SGCG: variants seen among roughly 807,000 people sequenced by gnomAD.
SGCG encodes the protein sarcoglycan gamma, also known as gamma-sarcoglycan.
SGCG carries 26 observed loss-of-function variants against 29.3 expected under a neutral mutation model. The observed-to-expected ratio is 0.89, with a 90% CI of 0.65 to 1.23. The LOEUF (loss-of-function observed/expected upper bound fraction) is 1.23, where lower values mean the gene tolerates loss of function less well. Ranked by LOEUF, SGCG falls within the 50% of genes most tolerant of loss-of-function variation. The pLI is 0.00. For synonymous variants in SGCG, 145 were observed against 129.7 expected (o/e 1.12, Z -0.80); for missense variants, 353 against 356.0 (o/e 0.99, Z 0.07).
At chr13:23,175,611 C>A in the SGCG span, among the ~76,000 whole-genome samples, 1 of 152,028 alleles carries the variant, frequency 6.6e-6, no homozygotes, top group Non-Finnish European at 1.5e-5. Context: ...TCTGAGTTTT[C>A]TTTTTCTTTT....
chr13:23,298,368 A>G (rs930917797), intron 6 of SGCG, among the ~76,000 whole-genome samples: 3 of 149,154 alleles, frequency 2.0e-5, no homozygotes, highest in East Asian at 2.0e-4. Flanking sequence ...TATCAAGGGA[A>G]AAAAAAATTG....
chr13:23,303,440 G>A (rs541987056), intron 6 of SGCG, among the ~76,000 whole-genome samples: 14 of 152,362 alleles, frequency 9.2e-5, no homozygotes, highest in South Asian at 2.1e-4. Flanking sequence ...ACACTTGCCC[G>A]AGCTCTCTGC....
chr13:23,313,565 T>C (rs1204804796), intron 6 of SGCG, among the ~76,000 whole-genome samples: 1 of 152,196 alleles, frequency 6.6e-6, no homozygotes, highest in Non-Finnish European at 1.5e-5. Flanking sequence ...TAAAAATGAA[T>C]ATGGGGTAAA....
At chr13:23,200,116 C>G (rs1026601775) in intron 1 of SGCG, among the ~76,000 whole-genome samples, 1 of 100,296 alleles carries the variant, frequency 1.0e-5, no homozygotes, top group Non-Finnish European at 2.4e-5. Context: ...GCTTGTTGTA[C>G]GCTTAAATAA....
intron 4 of SGCG, among the ~76,000 whole-genome samples, chr13:23,271,777 A>G (rs1237868100): frequency 1.3e-5 from 2 of 152,226 alleles, no homozygotes; most frequent in African/African-American, 2.4e-5. Flanking sequence ...ATGACATCCT[A>G]TAATGTTGGG....
chr13:23,288,528 C>T (rs1881587064), intron 5 of SGCG, among the ~76,000 whole-genome samples: 1 of 152,140 alleles, frequency 6.6e-6, no homozygotes, highest in Non-Finnish European at 1.5e-5. Flanking sequence ...TTTTAGTCAA[C>T]TAGGATACTG....
the SGCG span, among the ~76,000 whole-genome samples, chr13:23,173,756 A>G: frequency 2.6e-5 from 4 of 152,324 alleles, no homozygotes; most frequent in African/African-American, 7.2e-5. Flanking sequence ...AAATTTTATA[A>G]CTGCATGCTG....
At chr13:23,253,067 GT>G (rs1424101353) in intron 4 of SGCG, among the ~76,000 whole-genome samples, 2 of 151,728 alleles carry the variant, frequency 1.3e-5, no homozygotes, top group Non-Finnish European at 2.9e-5. Context: ...GGTTTTAAAG[GT>G]TTTGTTTTGT....
At chr13:23,172,522 T>C in the SGCG span, among the ~76,000 whole-genome samples, 1 of 152,208 alleles carries the variant, frequency 6.6e-6, no homozygotes, top group Admixed American at 6.5e-5. Flanking sequence ...AGTTTTCCTT[T>C]ATTTGCTTCC....
chr13:23,322,166 G>C (rs1294506125), intron 7 of SGCG, among the ~76,000 whole-genome samples: 1 of 152,188 alleles, frequency 6.6e-6, no homozygotes, highest in Admixed American at 6.5e-5. Flanking sequence ...CTTACCAAGA[G>C]TGAGTGCAGT....
At chr13:23,236,493 C>T (rs1002589931) in intron 3 of SGCG, among the ~76,000 whole-genome samples, 7 of 151,986 alleles carry the variant, frequency 4.6e-5, no homozygotes, top group Admixed American at 6.6e-5. Flanking sequence ...CTGGCTAACA[C>T]AGTGAAACCC....
the SGCG span, among the ~76,000 whole-genome samples, chr13:23,166,566 T>C: frequency 6.6e-6 from 1 of 152,232 alleles, no homozygotes; most frequent in East Asian, 1.9e-4. Flanking sequence ...GTCTACACTA[T>C]GACCTTATTC....
chr13:23,296,927 A>G (rs983905953), intron 6 of SGCG, among the ~76,000 whole-genome samples: 2 of 152,208 alleles, frequency 1.3e-5, no homozygotes, highest in African/African-American at 2.4e-5. Flanking sequence ...AATATTTTAA[A>G]TGGTCTTAAA....
At chr13:23,180,129 A>C (rs1876681162), upstream of SGCG, among the ~76,000 whole-genome samples, 1 of 152,184 alleles carries the variant, frequency 6.6e-6, no homozygotes, top group South Asian at 2.1e-4. Flanking sequence ...TAGTACTAAA[A>C]TGCAAATATG....
chr13:23,203,505 TG>T (rs1396851125), intron 1 of SGCG, among the ~76,000 whole-genome samples, 189 bp from the exon 2 acceptor site: 1 of 152,238 alleles, frequency 6.6e-6, no homozygotes, highest in Non-Finnish European at 1.5e-5. Flanking sequence ...TATCTCCCTG[TG>T]ATTGAAACAC....
intron 5 of SGCG, among the ~76,000 whole-genome samples, chr13:23,283,374 C>T (rs1052618399): frequency 6.6e-6 from 1 of 152,008 alleles, no homozygotes; most frequent in South Asian, 2.1e-4. Flanking sequence ...TTATGTAATG[C>T]CCTTCTTTGT....
chr13:23,323,039 C>T (rs1370253106), intron 7 of SGCG, among the ~76,000 whole-genome samples: 3 of 151,966 alleles, frequency 2.0e-5, no homozygotes, highest in African/African-American at 7.3e-5. Context: ...TTAATAGGAA[C>T]GTGTAGTAAA....
chr13:23,206,195 C>T (rs2137505062), intron 2 of SGCG, among the ~76,000 whole-genome samples: 1 of 152,252 alleles, frequency 6.6e-6, no homozygotes, highest in South Asian at 2.1e-4. Flanking sequence ...AAGATCTGCC[C>T]TCTTAACAGA....
chr13:23,253,679 C>G (rs1880062564), intron 4 of SGCG, among the ~76,000 whole-genome samples: 1 of 152,182 alleles, frequency 6.6e-6, no homozygotes, highest in Non-Finnish European at 1.5e-5. Flanking sequence ...GATGTGCGTC[C>G]CCTCCAAATG....
Sources: allele counts gnomAD v4.1 joint callset (sites outside exome capture counted in the v4.1 genomes callset), GRCh38; gene constraint gnomAD v4.1.1; transcripts MANE v1.5; gene names NCBI Gene and HGNC (gene_info 2026-07-23, HGNC 2026-07-21).